The following COMMD8 variants were observed in gnomAD, a reference collection of about 807,000 sequenced individuals.
COMMD8 encodes the protein COMM domain containing 8.
Under a neutral mutation model 27.2 loss-of-function variants are expected in COMMD8, and 28 were observed. That is an observed-to-expected ratio of 1.03 (90% CI 0.76 to 1.41). COMMD8 has a LOEUF of 1.41. Among genes scored for constraint, COMMD8 ranks in the 40% most tolerant of loss-of-function variants. The pLI, the probability that COMMD8 is intolerant of heterozygous loss-of-function variation, is 0.00. For missense variants in COMMD8, 217 were observed against 211.2 expected (o/e 1.03, Z -0.17); for synonymous variants, 79 against 75.5 (o/e 1.05, Z -0.24).
chr4:47,453,575 A>C (rs7681754), intron 3 of COMMD8, among the ~76,000 whole-genome samples: 6,568 of 152,274 alleles, frequency 0.043, 455 homozygotes, highest in African/African-American at 0.15. Flanking sequence ...TTCATGTACA[A>C]AGATAAGTGA....
intron 1 of COMMD8, among the ~76,000 whole-genome samples, chr4:47,462,328 G>T (rs542435002): frequency 6.6e-6 from 1 of 152,060 alleles, no homozygotes; most frequent in African/African-American, 2.4e-5. Flanking sequence ...ATGTGAAAAG[G>T]GGGGGCCATG....
intron 2 of COMMD8, among the ~76,000 whole-genome samples, chr4:47,458,718 G>A (rs1436794849): frequency 6.6e-6 from 1 of 152,064 alleles, no homozygotes; most frequent in Non-Finnish European, 1.5e-5. Flanking sequence ...CACTCCTGAA[G>A]AAGCATGAGA....
Position 47,454,546 on chromosome 4 carries a change from T to C in COMMD8, c.376-1332A>G, listed in dbSNP as rs1003056405. ...GAAGATATTATCACTGGAAACAGAA[T>C]GTACTAGCACCATCTCTTGCTTGAA... On this transcript the variant is annotated intron_variant, in intron 3 of 4. Coordinates refer to ENST00000381571, the MANE Select transcript of COMMD8 (RefSeq NM_017845.5). Among the ~76,000 whole-genome samples, 3 of 152,144 alleles carry C rather than the reference T, an allele frequency of 2.0e-5. No homozygotes were observed. In the South Asian group the frequency reaches 6.2e-4, roughly 32 times the overall value.
In COMMD8 at chr4:47,451,504, A is replaced by T. The variant is rs750824002; in HGVS notation, c.*141T>A. The T allele has an allele frequency of 3.3e-5, 21 of 645,202 alleles. No individual in the cohort carries two copies. Among genetic ancestry groups the T allele is most frequent in the Admixed American group, 6.5e-5 (2 of 30,608 alleles). The allele number at this position is 645,202 out of a possible 1,614,324, so 40.0% of individuals were successfully genotyped here. On this transcript the variant is annotated 3_prime_UTR_variant, in exon 5 of 5. Transcript: ENST00000381571. Reference sequence around the variant, plus strand: ...TGTTAAGGAATGTTGATAAATTTTTATCTTTATAATATCAATATTGCTGCT... The same window carrying T: ...TGTTAAGGAATGTTGATAAATTTTTTTCTTTATAATATCAATATTGCTGCT...
At chr4:47,461,241 T>C (rs1730018591) in intron 1 of COMMD8, among the ~76,000 whole-genome samples, 1 of 152,214 alleles carries the variant, frequency 6.6e-6, no homozygotes, top group Admixed American at 6.5e-5. Context: ...CCAGTACTAT[T>C]CTAAGCACTT....
chr4:47,460,040 G>A (rs1056296655), intron 2 of COMMD8, 104 bp downstream of exon 2: 5 of 879,694 alleles, frequency 5.7e-6, no homozygotes, highest in Non-Finnish European at 8.5e-6. Context: ...TAAGGTATTT[G>A]TTGTTACTGA....
Position 47,463,557 on chromosome 4 carries a change from G to T in COMMD8, c.66+29C>A, listed in dbSNP as rs926152902. On this transcript the variant is annotated intron_variant, in intron 1 of 4. Transcript: ENST00000381571. ...CGGGCTGTCGCGAATCCCAGGCCCC[G>T]CGCCGCTTCCCCCGGTACCCGCCCT... is the stretch of plus-strand genomic sequence containing the variant. The T allele has an allele frequency of 3.9e-6, 6 of 1,537,016 alleles. No individual in the cohort carries two copies. The African/African-American group carries it at 6.9e-5, about 18-fold the overall frequency.
chr4:47,463,563 C>T (rs1039973425), intron 1 of COMMD8, 23 bp downstream of exon 1: 3 of 1,540,082 alleles, frequency 1.9e-6, no homozygotes, highest in Non-Finnish European at 2.6e-6. Context: ...CCCCGCGCCG[C>T]TTCCCCCGGT....
chr4:47,460,292 T>C lies in COMMD8; in HGVS notation c.74A>G (p.His25Arg). Residue 25 changes from histidine (H) to arginine (R), a missense_variant, in exon 2 of 5, where the codon CAC becomes CGC. Transcript: ENST00000381571. The stretch of plus-strand genomic sequence containing the variant: ...ACCACAAATGCCATCAATTATTTTG[T>C]GAAGAAGCTAGCAAGAAAAAAGGAA... The part of the protein sequence containing the change: ...LPAELGPQLL[H>R]KIIDGICGRA... The C allele has an allele frequency of 6.2e-7, 1 of 1,609,714 alleles. No homozygotes were observed. Among genetic ancestry groups the C allele is most frequent in the Non-Finnish European group, 8.5e-7 (1 of 1,178,592 alleles).
intron 1 of COMMD8, among the ~76,000 whole-genome samples, chr4:47,460,752 C>A (rs1403899040): frequency 2.0e-5 from 3 of 152,068 alleles, no homozygotes; most frequent in Non-Finnish European, 4.4e-5. Flanking sequence ...GCAATTTTCC[C>A]ATCTCAGCCT....
At chr4:47,458,768 A>C (rs537851110) in intron 2 of COMMD8, among the ~76,000 whole-genome samples, 100 of 152,134 alleles carry the variant, frequency 6.6e-4, no homozygotes, top group Non-Finnish European at 1.2e-3. Context: ...ACATAATTTA[A>C]TTTAGCTTTA....
In COMMD8 at chr4:47,453,089, A is replaced by G. The variant is rs2109353073; in HGVS notation, c.501T>C (p.Asn167=). 6.2e-7 allele frequency: 1 copy of G among 1,613,568 alleles called. No homozygotes were observed. Among genetic ancestry groups the G allele is most frequent in the Middle Eastern group, 1.7e-4 (1 of 6,056 alleles). Reference sequence around the variant, plus strand: ...TCGCTGCTTCCAAGGACTGTATTAGATTCTGCAGCTCCTCTCTACTCATTT... The same window carrying G: ...TCGCTGCTTCCAAGGACTGTATTAGGTTCTGCAGCTCCTCTCTACTCATTT... ...SIEMSREELQ[N]LIQSLEAANK... The change falls in exon 4 of 5, where the codon AAT becomes AAC. Residue 167 remains asparagine, a synonymous_variant. Coordinates refer to ENST00000381571, the MANE Select transcript of COMMD8 (RefSeq NM_017845.5).
chr4:47,452,457 T>C (rs7679955), intron 4 of COMMD8, among the ~76,000 whole-genome samples: 68 of 152,324 alleles, frequency 4.5e-4, no homozygotes, highest in Admixed American at 8.5e-4. Context: ...AAGGTAAAAA[T>C]GTTATTTTTA....
At chr4:47,455,306 G>A (rs1191804589) in intron 3 of COMMD8, among the ~76,000 whole-genome samples, 7 of 152,008 alleles carry the variant, frequency 4.6e-5, no homozygotes, top group Admixed American at 2.6e-4. Flanking sequence ...GTGAGCCACC[G>A]TGCCTGGTCT....
rs886528592 is a variant in COMMD8 at position 47,456,672 on chromosome 4, C to T, written c.280G>A (p.Val94Met). The change falls in exon 3 of 5, where the codon GTG (valine) becomes ATG (methionine). Residue 94 changes from valine (V) to methionine (M), a missense_variant. Val to Met is a conservative substitution (Grantham distance 21, BLOSUM62 1). Coordinates refer to ENST00000381571, the MANE Select transcript of COMMD8 (RefSeq NM_017845.5). ...SLHQETIMKC[V>M]KSRKDEIKQA... is the part of the protein sequence containing the mutation. ...TTGATTTCATCTTTCCTACTTTTCA[C>T]GCATTTCATGATAGTTTCTTGATGA... is the stretch of plus-strand genomic sequence containing the variant. The T allele has an allele frequency of 1.4e-5, 22 of 1,608,416 alleles. No individual in the cohort carries two copies. Among genetic ancestry groups the T allele is most frequent in the African/African-American group, 8.0e-5 (6 of 74,536 alleles).
rs1300644964 is a variant in COMMD8, at chr4:47,460,154, G to A, written c.212C>T (p.Pro71Leu). ...GTGCAGAGAAGTTACCTCTTCATCA[G>A]GTAAGTTTTTACCAACTATGGCTTT... Reference protein sequence around the residue: ...FFKAIVGKNLPDEEIFQQLNQ... With the variant: ...FFKAIVGKNLLDEEIFQQLNQ... The change falls in exon 2 of 5, where the codon CCT becomes CTT. Residue 71 changes from proline to leucine, a missense_variant. Transcript: ENST00000381571. The A allele has an allele frequency of 1.2e-6, 2 of 1,612,640 alleles. No homozygotes were observed. The highest frequency in any genetic ancestry group is 1.7e-5 in the Admixed American group (1 of 59,896).
At chr4:47,462,208 TAAGA>T (rs1220991968) in intron 1 of COMMD8, among the ~76,000 whole-genome samples, 1 of 152,108 alleles carries the variant, frequency 6.6e-6, no homozygotes, top group Non-Finnish European at 1.5e-5. Flanking sequence ...TTGGAAGATG[TAAGA>T]GAGAGGGTGA....
In COMMD8 at chr4:47,463,626, A is replaced by C. The variant is rs528670794; in HGVS notation, c.26T>G (p.Leu9Trp). The C allele has an allele frequency of 3.2e-5, 50 of 1,549,034 alleles. No homozygotes were observed. In the South Asian group the frequency reaches 5.5e-4, roughly 17 times the overall value. Residue 9 changes from leucine to tryptophan, a missense_variant, in exon 1 of 5, where the codon TTG becomes TGG. Coordinates refer to ENST00000381571, the MANE Select transcript of COMMD8 (RefSeq NM_017845.5). MEPEEGTPLWRLQKLPAEL... is the reference protein window; with the variant it reads MEPEEGTPWWRLQKLPAEL... ...GGCCGGCAGCTTCTGCAGCCGCCACAAGGGCGTCCCCTCTTCCGGCTCCAT... is the reference window on the plus strand; with the variant it reads ...GGCCGGCAGCTTCTGCAGCCGCCACCAGGGCGTCCCCTCTTCCGGCTCCAT...
At chr4:47,457,947 T>TA (rs966510434) in intron 2 of COMMD8, among the ~76,000 whole-genome samples, 1 of 151,424 alleles carries the variant, frequency 6.6e-6, no homozygotes, top group Non-Finnish European at 1.5e-5. Context: ...AAAAAGATAA[T>TA]ACATCACGAT....
Sources: gnomAD v4.1 joint callset for allele counts (sites outside exome capture counted in the v4.1 genomes callset) on GRCh38, gnomAD v4.1.1 for gene constraint, MANE v1.5 for transcripts, NCBI Gene and HGNC (gene_info 2026-07-23, HGNC 2026-07-21) for gene names.